RBFOX1: variants seen among roughly 807,000 people sequenced by gnomAD.
The protein encoded by RBFOX1 is RNA binding fox-1 homolog 1, also known as RNA binding protein fox-1 homolog 1.
A neutral mutation model predicts 57.7 loss-of-function variants in RBFOX1; 8 were observed. The ratio of observed to expected loss-of-function variants is 0.14; its 90% CI spans 0.08 to 0.25. The LOEUF is 0.25. Ranked by LOEUF, RBFOX1 falls within the 10% of genes least tolerant of loss-of-function variation. The probability of loss-of-function intolerance (pLI) is 1.00; values close to 1 mark genes in which losing one functional copy is unlikely to be tolerated. For synonymous variants in RBFOX1, 326 were observed against 222.4 expected (o/e 1.47, Z -4.15); for missense variants, 611 against 548.5 (o/e 1.11, Z -1.14).
intron 1 of RBFOX1, among the ~76,000 whole-genome samples, chr16:6,159,817 G>A (rs548802189): frequency 6.6e-6 from 1 of 152,308 alleles, no homozygotes; most frequent in South Asian, 2.1e-4. Context: ...GACTTGAAGT[G>A]GGCATGCAAA....
At chr16:6,373,375 A>T (rs924533161) in intron 2 of RBFOX1, among the ~76,000 whole-genome samples, 3 of 146,110 alleles carry the variant, frequency 2.1e-5, no homozygotes, top group African/African-American at 7.8e-5. Context: ...ATGGAAGGAT[A>T]GTTTTTTAGG....
intron 4 of RBFOX1, among the ~76,000 whole-genome samples, chr16:7,140,766 A>G (rs559293711): frequency 6.6e-6 from 1 of 152,298 alleles, no homozygotes; most frequent in African/African-American, 2.4e-5. Flanking sequence ...TTTATGGGGA[A>G]GGTAGCGTTA....
At chr16:5,978,230 C>T (rs868329395) in intron 4 of RBFOX1, among the ~76,000 whole-genome samples, 2 of 145,542 alleles carry the variant, frequency 1.4e-5, no homozygotes, top group Admixed American at 1.4e-4. Context: ...GGGAGGATCA[C>T]TTGCACCCTG....
chr16:7,031,202 C>G (rs1480424067), intron 3 of RBFOX1, among the ~76,000 whole-genome samples: 1 of 152,128 alleles, frequency 6.6e-6, no homozygotes, highest in Non-Finnish European at 1.5e-5. Context: ...GAAAATAAAG[C>G]TAAGCTTGGC....
intron 2 of RBFOX1, among the ~76,000 whole-genome samples, chr16:6,607,223 T>C (rs1354211967): frequency 1.3e-5 from 2 of 152,154 alleles, no homozygotes; most frequent in Admixed American, 1.3e-4. Flanking sequence ...CAGAAAGATA[T>C]CAGAATGTGC....
chr16:5,825,800 T>TTAATATGAATAAGGAATAATATTCCG (rs2056021017), intron 3 of RBFOX1, among the ~76,000 whole-genome samples: 3 of 57,356 alleles, frequency 5.2e-5, no homozygotes, highest in Admixed American at 1.8e-4. Context: ...ATAATATTCC[T>TTAATATGAATAAGGAATAATATTCCG]TAATATGAAT....
chr16:7,090,625 T>G (rs746194681), intron 4 of RBFOX1, among the ~76,000 whole-genome samples: 1 of 152,278 alleles, frequency 6.6e-6, no homozygotes. Flanking sequence ...AAAAATAAAT[T>G]TTGTAGTTTT....
chr16:6,859,265 T>A (rs2058591472), intron 3 of RBFOX1, among the ~76,000 whole-genome samples: 1 of 149,274 alleles, frequency 6.7e-6, no homozygotes, highest in African/African-American at 2.5e-5. Flanking sequence ...TTTATAAAAA[T>A]GACTCCTCTT....
chr16:6,888,270 G>C (rs1240381430), intron 3 of RBFOX1, among the ~76,000 whole-genome samples: 1 of 152,128 alleles, frequency 6.6e-6, no homozygotes, highest in Non-Finnish European at 1.5e-5. Context: ...TGCTTTATGG[G>C]TTTGTGTTTC....
intron 3 of RBFOX1, among the ~76,000 whole-genome samples, chr16:6,849,601 G>A (rs34331186): frequency 0.25 from 38,602 of 152,096 alleles, 5,158 homozygotes; most frequent in East Asian, 0.35. Context: ...TGCAGGAGGC[G>A]GAGGTTTCAG....
At chr16:7,384,033 A>G (rs1267049663) in intron 4 of RBFOX1, among the ~76,000 whole-genome samples, 2 of 151,400 alleles carry the variant, frequency 1.3e-5, no homozygotes, top group Non-Finnish European at 2.9e-5. Flanking sequence ...CAGCCTGGGC[A>G]ACAGAGTGAG....
intron 4 of RBFOX1, among the ~76,000 whole-genome samples, chr16:7,396,512 A>G (rs2098141421): frequency 6.6e-6 from 1 of 152,196 alleles, no homozygotes; most frequent in South Asian, 2.1e-4. Flanking sequence ...TGCTCAGGAC[A>G]CAGTCACTCA....
chr16:7,393,624 G>C (rs909086622), intron 4 of RBFOX1, among the ~76,000 whole-genome samples: 5 of 152,034 alleles, frequency 3.3e-5, no homozygotes, highest in Non-Finnish European at 2.9e-5. Context: ...TGGTTTCAGG[G>C]GGAAACATAG....
chr16:5,915,488 G>A (rs181174970), intron 4 of RBFOX1, among the ~76,000 whole-genome samples: 5 of 152,244 alleles, frequency 3.3e-5, no homozygotes, highest in African/African-American at 7.2e-5. Context: ...TGAATGAGAC[G>A]GCAGGGTTCC....
At chr16:7,471,985 CAG>C (rs1328586092) in intron 4 of RBFOX1, among the ~76,000 whole-genome samples, 1 of 152,180 alleles carries the variant, frequency 6.6e-6, no homozygotes, top group African/African-American at 2.4e-5. Flanking sequence ...GGATCTTTCA[CAG>C]AGTACAAATG....
chr16:6,545,248 T>C (rs1388380510), intron 2 of RBFOX1, among the ~76,000 whole-genome samples: 2 of 152,188 alleles, frequency 1.3e-5, no homozygotes, highest in East Asian at 1.9e-4. Context: ...TGTAATAGGT[T>C]GATCCTTTTA....
At chr16:6,134,120 A>G (rs1383006885) in intron 1 of RBFOX1, among the ~76,000 whole-genome samples, 1 of 151,864 alleles carries the variant, frequency 6.6e-6, no homozygotes, top group Non-Finnish European at 1.5e-5. Flanking sequence ...TATTTTTAGG[A>G]GAGACAGGGT....
chr16:5,916,361 C>G (rs2043631), intron 4 of RBFOX1, among the ~76,000 whole-genome samples: 26 of 152,048 alleles, frequency 1.7e-4, no homozygotes, highest in African/African-American at 6.0e-4. Context: ...TGTATTAATT[C>G]TCGGTTTCAC....
chr16:5,869,382 C>T (rs2057413481), intron 4 of RBFOX1, among the ~76,000 whole-genome samples: 1 of 152,036 alleles, frequency 6.6e-6, no homozygotes. Context: ...GATCATGTTG[C>T]CCCTTTTAAA....
Sources: allele counts gnomAD v4.1 joint callset (sites outside exome capture counted in the v4.1 genomes callset), GRCh38; gene constraint gnomAD v4.1.1; transcripts MANE v1.5; gene names NCBI Gene and HGNC (gene_info 2026-07-23, HGNC 2026-07-21).